Variants in UBA6 observed in about 807,000 individuals in gnomAD.
The protein encoded by UBA6 is ubiquitin-like modifier-activating enzyme 6.
UBA6 carries 87 observed loss-of-function variants against 148.3 expected under a neutral mutation model. The ratio of observed to expected loss-of-function variants is 0.59; its 90% CI spans 0.49 to 0.70. UBA6 has a LOEUF of 0.70. UBA6 is among the 30% of genes least tolerant of loss of function. UBA6 has a pLI of 0.00. For missense variants in UBA6, 1,186 were observed against 1,241.2 expected (o/e 0.96, Z 0.67); for synonymous variants, 376 against 401.0 (o/e 0.94, Z 0.75).
intron 14 of UBA6, among the ~76,000 whole-genome samples, chr4:67,647,464 G>C (rs1468469314): frequency 6.6e-6 from 1 of 151,836 alleles, no homozygotes; most frequent in East Asian, 1.9e-4. Flanking sequence ...ATTACTTTTT[G>C]AGAAGAAAGT....
At chr4:67,698,900 C>T (rs1967037) in intron 1 of UBA6, among the ~76,000 whole-genome samples, 3 of 151,802 alleles carry the variant, frequency 2.0e-5, no homozygotes. Flanking sequence ...GAGGAGGCTG[C>T]AGTGAGCCAA....
chr4:67,673,776 CA>C lies in UBA6; in HGVS notation c.466del (p.Cys156ValfsTer2). On this transcript the variant is annotated frameshift_variant and splice_region_variant, in exon 7 of 33. Transcript: ENST00000322244. LOFTEE classifies it high-confidence loss of function. ...AAGTTTCATCTCAGTCAATACTACACACTGTTGAGAAAACAACAAATTAAAA... is the reference window on the plus strand; with the variant it reads ...AAGTTTCATCTCAGTCAATACTACACCTGTTGAGAAAACAACAAATTAAAA... ...TDLSFLDKYQ[C>X]VVLTEMKLPL... 1 of 1,601,720 alleles carries C rather than the reference CA, an allele frequency of 6.2e-7. No homozygotes were observed. Among genetic ancestry groups the C allele is most frequent in the South Asian group, 1.1e-5 (1 of 88,962 alleles).
chr4:67,663,038 G>T, intron 12 of UBA6, 101 bp downstream of exon 12: 3 of 737,944 alleles, frequency 4.1e-6, no homozygotes, highest in Admixed American at 2.6e-5. Context: ...ATATCTATTG[G>T]TATTGTAATT....
chr4:67,701,041 C>G lies in UBA6; in HGVS notation c.71+8G>C. The G allele has an allele frequency of 6.2e-7, 1 of 1,613,758 alleles. No homozygotes were observed. The highest frequency in any genetic ancestry group is 8.5e-7 in the Non-Finnish European group (1 of 1,179,726). ...GACCCCTCACCTTCGCCCTTCTCGT[C>G]CTCTCACCTGCCAGTCCCCCAGGAA... On this transcript the variant is annotated splice_region_variant and intron_variant, in intron 1 of 32. Coordinates refer to ENST00000322244, the MANE Select transcript of UBA6 (RefSeq NM_018227.6).
intron 14 of UBA6, among the ~76,000 whole-genome samples, chr4:67,647,230 G>A (rs564931646): frequency 1.3e-5 from 2 of 152,138 alleles, no homozygotes; most frequent in African/African-American, 4.8e-5. Flanking sequence ...GTACAGTGGT[G>A]TGATCTCTGC....
intron 26 of UBA6, among the ~76,000 whole-genome samples, chr4:67,630,102 GAAA>G (rs1728962043): frequency 3.3e-5 from 5 of 152,048 alleles, no homozygotes; most frequent in African/African-American, 1.2e-4. Flanking sequence ...TGTTAACAAA[GAAA>G]ATCTCTACGC....
chr4:67,701,111 T>C lies in UBA6; in HGVS notation c.9A>G (p.Gly3=). 2 of 1,613,100 alleles carry C rather than the reference T, an allele frequency of 1.2e-6. No individual in the cohort carries two copies. Among genetic ancestry groups the C allele is most frequent in the Non-Finnish European group, 1.7e-6 (2 of 1,179,752 alleles). Residue 3 remains glycine (G), a synonymous_variant, in exon 1 of 33, where the codon GGA becomes GGG. Transcript: ENST00000322244. ME[G]SEPVAAHQGE... is the part of the protein sequence containing the mutation. The stretch of plus-strand genomic sequence containing the variant: ...CCTGATGGGCGGCCACAGGCTCGGA[T>C]CCTTCCATTGCCGCCTGAGACACCG...
intron 8 of UBA6, among the ~76,000 whole-genome samples, chr4:67,669,188 A>G (rs1248257022): frequency 1.3e-5 from 2 of 152,210 alleles, no homozygotes; most frequent in African/African-American, 2.4e-5. Context: ...GATAACACCA[A>G]TGCAATAAGA....
At chr4:67,633,220 A>G (rs1236897277) in intron 23 of UBA6, 125 bp downstream of exon 23, 9 of 789,912 alleles carry the variant, frequency 1.1e-5, no homozygotes, top group Non-Finnish European at 1.7e-5. Context: ...CATTTAACTT[A>G]CTACTAATTT....
intron 19 of UBA6, among the ~76,000 whole-genome samples, chr4:67,638,589 G>T (rs1000095481): frequency 6.6e-6 from 1 of 151,978 alleles, no homozygotes; most frequent in Non-Finnish European, 1.5e-5. Flanking sequence ...ATTGCAGTGG[G>T]ACTCACCCCA....
Position 67,635,540 on chromosome 4 carries a change from T to C in UBA6, c.1755A>G (p.Leu585=). 1 of 1,611,242 alleles carries C rather than the reference T, an allele frequency of 6.2e-7. No individual in the cohort carries two copies. Among genetic ancestry groups the C allele is most frequent in the South Asian group, 1.1e-5 (1 of 90,960 alleles). The change falls in exon 20 of 33, where the codon CTA becomes CTG. Residue 585 remains leucine (L), a synonymous_variant. Transcript: ENST00000322244. ...RYVDSRCLAN[L]RPLLDSGTMG... is the part of the protein sequence containing the mutation. ...TTGTTCCAGAATCTAAAAGAGGCCTTAGATTTGCTAAGCAACGACTATTTG... is the reference window on the plus strand; with the variant it reads ...TTGTTCCAGAATCTAAAAGAGGCCTCAGATTTGCTAAGCAACGACTATTTG...
chr4:67,652,075 A>C (rs1729566081), intron 13 of UBA6, among the ~76,000 whole-genome samples: 1 of 152,192 alleles, frequency 6.6e-6, no homozygotes, highest in Non-Finnish European at 1.5e-5. Context: ...TGTCTAGAAG[A>C]AAACAGCTTT....
At chr4:67,698,368 A>G (rs1730889304) in intron 1 of UBA6, among the ~76,000 whole-genome samples, 1 of 152,234 alleles carries the variant, frequency 6.6e-6, no homozygotes, top group African/African-American at 2.4e-5. Flanking sequence ...AAATACCTAA[A>G]ACAGTACCAG....
chr4:67,696,630 C>T lies in UBA6; in HGVS notation c.134+15G>A. 2 of 1,576,682 alleles carry T rather than the reference C, an allele frequency of 1.3e-6. No homozygotes were observed. Among genetic ancestry groups the T allele is most frequent in the Non-Finnish European group, 1.7e-6 (2 of 1,159,062 alleles). On this transcript the variant is annotated intron_variant, in intron 2 of 32. Transcript: ENST00000322244. ...TAATGGGGAAAATAAGTTTCAGTTTCTATGAGATTCTTACCTATACAATGC... is the reference window on the plus strand; with the variant it reads ...TAATGGGGAAAATAAGTTTCAGTTTTTATGAGATTCTTACCTATACAATGC...
At position 67,649,178 on chromosome 4, in the gene UBA6, A is replaced by G; in HGVS notation, c.1138T>C (p.Ser380Pro). 1 of 1,612,922 alleles carries G rather than the reference A, an allele frequency of 6.2e-7. No individual in the cohort carries two copies. Among genetic ancestry groups the G allele is most frequent in the Non-Finnish European group, 8.5e-7 (1 of 1,179,562 alleles). The change falls in exon 14 of 33, where the codon TCT (serine) becomes CCT (proline). Residue 380 changes from serine (S) to proline (P), a missense_variant. By Grantham distance (74) the Ser-to-Pro change is moderately conservative. Coordinates refer to ENST00000322244, the MANE Select transcript of UBA6 (RefSeq NM_018227.6). ...DVNADIVHWL[S>P]WTAQGFLSPL... ...GATAAAAAGCCTTGGGCAGTCCAAG[A>G]GAGCCAATGCACAATGTCAGCATTT...
intron 32 of UBA6, among the ~76,000 whole-genome samples, 172 bp downstream of exon 32, chr4:67,622,659 C>T (rs766730478): frequency 5.9e-5 from 9 of 152,160 alleles, no homozygotes; most frequent in Non-Finnish European, 7.4e-5. Flanking sequence ...CTGAATCTCT[C>T]GAGAGGTAGC....
rs569817353 is a variant in UBA6, at chr4:67,627,439, T to C, written c.2401-962A>G. 1.6e-4 allele frequency among the ~76,000 whole-genome samples: 25 copies of C among 151,994 alleles called. 1 individual carries two copies. The South Asian group carries it at 5.0e-3, about 30-fold the overall frequency. On this transcript the variant is annotated intron_variant, in intron 27 of 32. Coordinates refer to ENST00000322244, the MANE Select transcript of UBA6 (RefSeq NM_018227.6). ...AGTTAAATTGCTCAGGAGAATTTAT[T>C]ACCCTCAGACTTTAACACAGATAGA...
intron 17 of UBA6, among the ~76,000 whole-genome samples, chr4:67,641,644 AG>A (rs1729309200): frequency 6.6e-6 from 1 of 151,880 alleles, no homozygotes; most frequent in Non-Finnish European, 1.5e-5. Flanking sequence ...TGGCTAAAGC[AG>A]AGGCATACAA....
At chr4:67,619,620 G>A (rs958858767) in intron 32 of UBA6, among the ~76,000 whole-genome samples, 1 of 152,188 alleles carries the variant, frequency 6.6e-6, no homozygotes, top group Admixed American at 6.5e-5. Flanking sequence ...AGGTTGCAAC[G>A]ATTTTAAAAA....
Sources: allele counts gnomAD v4.1 joint callset (sites outside exome capture counted in the v4.1 genomes callset), GRCh38; gene constraint gnomAD v4.1.1; transcripts MANE v1.5; gene names NCBI Gene and HGNC (gene_info 2026-07-23, HGNC 2026-07-21).